The following WWOX variants were observed in gnomAD, a reference collection of about 807,000 sequenced individuals.
WWOX encodes the protein WW domain-containing oxidoreductase.
Under a neutral mutation model 46.2 loss-of-function variants are expected in WWOX, and 69 were observed. The observed-to-expected ratio is 1.49, with a 90% CI of 1.23 to 1.82. The LOEUF (loss-of-function observed/expected upper bound fraction) is 1.82. Among genes scored for constraint, WWOX ranks in the 40% most tolerant of loss-of-function variants. WWOX has a pLI of 0.00. For synonymous variants in WWOX, 359 were observed against 202.6 expected (o/e 1.77, Z -6.56); for missense variants, 919 against 542.6 (o/e 1.69, Z -6.89).
intron 8 of WWOX, among the ~76,000 whole-genome samples, chr16:79,098,026 A>C (rs535655264): frequency 6.6e-6 from 1 of 152,202 alleles, no homozygotes; most frequent in Non-Finnish European, 1.5e-5. Context: ...TGTCTGGAAC[A>C]TTGCCTGTCC....
At chr16:78,608,364 A>G (rs1318842880) in intron 8 of WWOX, among the ~76,000 whole-genome samples, 1 of 152,220 alleles carries the variant, frequency 6.6e-6, no homozygotes, top group Non-Finnish European at 1.5e-5. Flanking sequence ...TTATGAAACC[A>G]GATTGCAAGT....
chr16:78,856,251 T>C (rs1003034371), intron 8 of WWOX, among the ~76,000 whole-genome samples: 5 of 152,136 alleles, frequency 3.3e-5, no homozygotes, highest in African/African-American at 1.2e-4. Flanking sequence ...GGAAAGGGCC[T>C]TGCAACAGGC....
At chr16:78,691,957 T>A (rs1475173632) in intron 8 of WWOX, among the ~76,000 whole-genome samples, 2 of 152,208 alleles carry the variant, frequency 1.3e-5, no homozygotes, top group East Asian at 3.9e-4. Flanking sequence ...TCTCATGAGA[T>A]CTGATGGGTG....
chr16:78,983,876 T>TTC (rs2046732651), intron 8 of WWOX, among the ~76,000 whole-genome samples: 1 of 133,858 alleles, frequency 7.5e-6, no homozygotes, highest in African/African-American at 2.7e-5. Flanking sequence ...TATTCTTTTT[T>TTC]TTTTTTTTTT....
chr16:78,948,083 A>G (rs78053683), intron 8 of WWOX, among the ~76,000 whole-genome samples: 2 of 151,998 alleles, frequency 1.3e-5, no homozygotes, highest in Non-Finnish European at 2.9e-5. Context: ...AGAGAGTTCA[A>G]CTCCATCCGT....
chr16:78,964,328 A>G (rs567455951), intron 8 of WWOX, among the ~76,000 whole-genome samples: 25 of 152,340 alleles, frequency 1.6e-4, no homozygotes, highest in Non-Finnish European at 2.4e-4. Context: ...AATAATGTCC[A>G]GGCTGAGGTG....
chr16:78,887,992 C>A (rs565241464), intron 8 of WWOX, among the ~76,000 whole-genome samples: 1 of 152,164 alleles, frequency 6.6e-6, no homozygotes, highest in Non-Finnish European at 1.5e-5. Flanking sequence ...GACATGACAT[C>A]CCACATTGGA....
intron 8 of WWOX, among the ~76,000 whole-genome samples, chr16:78,622,474 G>T (rs1314447688): frequency 2.0e-5 from 3 of 151,938 alleles, no homozygotes; most frequent in South Asian, 4.2e-4. Context: ...CCCAGGAGAC[G>T]GGGGTTGCAG....
At chr16:79,165,764 G>A (rs28615616) in intron 8 of WWOX, among the ~76,000 whole-genome samples, 1,635 of 152,262 alleles carry the variant, frequency 0.011, 29 homozygotes, top group African/African-American at 0.037. Flanking sequence ...GCTAGTCAAA[G>A]CATTACTTTG....
intron 8 of WWOX, among the ~76,000 whole-genome samples, chr16:78,642,701 A>G (rs1036049945): frequency 2.6e-5 from 4 of 152,058 alleles, no homozygotes; most frequent in Admixed American, 6.5e-5. Context: ...CTCGACCGCT[A>G]TGGTATTTCT....
chr16:78,726,086 TTCCTCCCTCCCTCCCTCC>T (rs2048825791), intron 8 of WWOX, among the ~76,000 whole-genome samples: 1 of 106,724 alleles, frequency 9.4e-6, no homozygotes, highest in African/African-American at 3.6e-5. Context: ...TCCCTCCCTC[TTCCTCCCTCCCTCCCTCC>T]CTCCCTCTCT....
At chr16:78,295,282 A>G (rs896337372) in intron 5 of WWOX, among the ~76,000 whole-genome samples, 15 of 152,170 alleles carry the variant, frequency 9.9e-5, no homozygotes, top group African/African-American at 3.1e-4. Context: ...CTCAGATGCC[A>G]TTTTCTGGAT....
intron 8 of WWOX, among the ~76,000 whole-genome samples, chr16:78,653,862 G>T (rs1218603947): frequency 6.6e-6 from 1 of 152,144 alleles, no homozygotes; most frequent in Non-Finnish European, 1.5e-5. Flanking sequence ...TTTTGAGTTG[G>T]GTTTGAATCA....
At chr16:78,226,986 A>G (rs1474795566) in intron 5 of WWOX, among the ~76,000 whole-genome samples, 1 of 152,218 alleles carries the variant, frequency 6.6e-6, no homozygotes, top group Non-Finnish European at 1.5e-5. Flanking sequence ...CAAAAAAACA[A>G]GAGGGATTTC....
chr16:78,893,095 C>T (rs958803816), intron 8 of WWOX, among the ~76,000 whole-genome samples: 13 of 152,186 alleles, frequency 8.5e-5, no homozygotes, highest in African/African-American at 2.6e-4. Context: ...CATCTCCACC[C>T]TGCTGAGTAA....
intron 8 of WWOX, among the ~76,000 whole-genome samples, chr16:78,769,136 A>G (rs886173895): frequency 6.6e-6 from 1 of 152,220 alleles, no homozygotes; most frequent in East Asian, 1.9e-4. Flanking sequence ...ATTCCAAATA[A>G]TTGGTGGAAG....
At chr16:78,303,555 T>G (rs2080080560) in intron 5 of WWOX, among the ~76,000 whole-genome samples, 1 of 152,150 alleles carries the variant, frequency 6.6e-6, no homozygotes, top group Non-Finnish European at 1.5e-5. Flanking sequence ...TGGTTTTTTG[T>G]TTTTTTGAGA....
chr16:78,186,625 C>T (rs6564513), intron 5 of WWOX, among the ~76,000 whole-genome samples: 20,945 of 152,036 alleles, frequency 0.14, 1,723 homozygotes, highest in African/African-American at 0.24. Context: ...GTTAGCCGGG[C>T]GTGGTGGCAC....
intron 8 of WWOX, chr16:78,503,732 C>G (rs527406318): frequency 6.6e-6 from 1 of 152,196 alleles, no homozygotes; most frequent in South Asian, 2.1e-4. Context: ...AGCCTGTGTT[C>G]TATCAGTTTA....
Sources: allele counts gnomAD v4.1 joint callset (sites outside exome capture counted in the v4.1 genomes callset), GRCh38; gene constraint gnomAD v4.1.1; transcripts MANE v1.5; gene names NCBI Gene and HGNC (gene_info 2026-07-23, HGNC 2026-07-21).